FLT1: variants seen among roughly 807,000 people sequenced by gnomAD.
FLT1 encodes fms related receptor tyrosine kinase 1, also known as vascular endothelial growth factor receptor 1.
FLT1 carries 49 observed loss-of-function variants against 156.3 expected under a neutral mutation model. The ratio of observed to expected loss-of-function variants is 0.31; its 90% CI spans 0.25 to 0.40. The LOEUF (loss-of-function observed/expected upper bound fraction) is 0.40, where lower values mean the gene tolerates loss of function less well. Among genes scored for constraint, FLT1 ranks in the 10% least tolerant of loss-of-function variants. FLT1 has a pLI of 1.00. For missense variants in FLT1, 1,322 were observed against 1,637.2 expected (o/e 0.81, Z 3.32); for synonymous variants, 594 against 583.8 (o/e 1.02, Z -0.25).
chr13:28,376,293 G>A (rs948548031), intron 14 of FLT1, among the ~76,000 whole-genome samples: 1 of 152,208 alleles, frequency 6.6e-6, no homozygotes, highest in Non-Finnish European at 1.5e-5. Context: ...TTGGGTTAGA[G>A]TGATTCTCTC....
At chr13:28,445,294 G>A (rs1475111258) in intron 3 of FLT1, among the ~76,000 whole-genome samples, 1 of 152,036 alleles carries the variant, frequency 6.6e-6, no homozygotes, top group Admixed American at 6.6e-5. Flanking sequence ...TGGCCAACAT[G>A]GTGAAAACCC....
At chr13:28,334,235 A>T in intron 17 of FLT1, 106 bp from the exon 18 acceptor site, 1 of 806,900 alleles carries the variant, frequency 1.2e-6, no homozygotes. Flanking sequence ...TGAGGCATGG[A>T]ATCTCCAGTG....
rs1390251522 is a variant in FLT1 at position 28,322,459 on chromosome 13, CA to C, written c.2954-101del. The C allele has an allele frequency of 1.2e-6, 1 of 831,206 alleles. No individual in the cohort carries two copies. 51.5% of individuals were successfully genotyped at this position (831,206 alleles called of 1,614,324 possible). A position where few individuals can be genotyped will look rare whatever the true frequency, so the allele number is the denominator to read the frequency against. ...GTTAGCAAAACATAAAACAAACCAA[CA>C]AGTAGATCAGAGTTCATTTTTAAGA... On this transcript the variant is annotated intron_variant, in intron 21 of 29. Transcript: ENST00000282397. This position sits in a 1 kb window ranked among gnomAD's most constrained non-coding sequence, Gnocchi z 4.3.
At chr13:28,399,234 C>T (rs1875271425) in intron 11 of FLT1, 2 of 564,294 alleles carry the variant, frequency 3.5e-6, no homozygotes. Flanking sequence ...TCAGATGAAG[C>T]CTTTTTAAGC....
chr13:28,316,480 C>A (rs1345049736), intron 25 of FLT1, among the ~76,000 whole-genome samples: 1 of 152,186 alleles, frequency 6.6e-6, no homozygotes, highest in African/African-American at 2.4e-5. Flanking sequence ...CCTGCTCAGG[C>A]CTCAAAGTGC....
At position 28,435,573 on chromosome 13, in the gene FLT1, C is replaced by A. The variant is rs564718562; in HGVS notation, c.514-1353G>T. On this transcript the variant is annotated intron_variant, in intron 4 of 29. Transcript: ENST00000282397. ...CAAACAGCCACAAAGAAGCTCGAAA[C>A]CTTTTCTATCGCCTTTTAAAAAGTA... 3.3e-5 allele frequency among the ~76,000 whole-genome samples: 5 copies of A among 152,292 alleles called. No homozygotes were observed. The South Asian group carries it at 8.3e-4, about 25-fold the overall frequency.
intron 10 of FLT1, among the ~76,000 whole-genome samples, chr13:28,410,741 T>C (rs1253961959): frequency 6.6e-6 from 1 of 152,230 alleles, no homozygotes; most frequent in Non-Finnish European, 1.5e-5. Flanking sequence ...CCTCAATTAG[T>C]TCTCACAGTC....
At chr13:28,471,028 C>A (rs576543755) in intron 1 of FLT1, among the ~76,000 whole-genome samples, 107 of 152,188 alleles carry the variant, frequency 7.0e-4, no homozygotes, top group African/African-American at 2.4e-3. Flanking sequence ...AGACAGTGTG[C>A]CCTCTACTTG....
intron 24 of FLT1, among the ~76,000 whole-genome samples, chr13:28,318,426 G>A (rs764965539): frequency 1.3e-5 from 2 of 152,130 alleles, no homozygotes; most frequent in Non-Finnish European, 2.9e-5. Context: ...TTCCTTTTGG[G>A]GGGATTCTTG....
rs536079910 is a variant in FLT1 at position 28,392,212 on chromosome 13, C to T, written c.1661-2108G>A. Among the ~76,000 whole-genome samples, 16 of 152,278 alleles carry T rather than the reference C, an allele frequency of 1.1e-4. No homozygotes were observed. The South Asian group carries it at 2.5e-3, about 24-fold the overall frequency. ...GGGAGCAGGGCGTAACAGTGGCTTACGAAGCCGTCAGTGGCTGAGGAGAGA... is the reference window on the plus strand; with the variant it reads ...GGGAGCAGGGCGTAACAGTGGCTTATGAAGCCGTCAGTGGCTGAGGAGAGA... On this transcript the variant is annotated intron_variant, in intron 12 of 29. Transcript: ENST00000282397.
At chr13:28,312,694 G>C (rs534107160) in intron 25 of FLT1, among the ~76,000 whole-genome samples, 2 of 152,106 alleles carry the variant, frequency 1.3e-5, no homozygotes, top group African/African-American at 4.8e-5. Flanking sequence ...AAGGTCCTGC[G>C]TACATGACTT....
chr13:28,334,170 T>A, intron 17 of FLT1, 41 bp from the exon 18 acceptor site: 3 of 1,311,760 alleles, frequency 2.3e-6, no homozygotes, highest in Non-Finnish European at 3.3e-6. Context: ...GCCGAGGCAA[T>A]AGGGTGAGTT....
At chr13:28,364,050 T>G (rs1873205020) in intron 14 of FLT1, among the ~76,000 whole-genome samples, 1 of 152,240 alleles carries the variant, frequency 6.6e-6, no homozygotes, top group Admixed American at 6.5e-5. Context: ...CCTGTTTCTA[T>G]CCTTTGCCCA....
At chr13:28,471,992 C>T (rs1195931186) in intron 1 of FLT1, among the ~76,000 whole-genome samples, 1 of 152,148 alleles carries the variant, frequency 6.6e-6, no homozygotes, top group Admixed American at 6.5e-5. Context: ...AGGCTAATAG[C>T]ATTAAAAAAC....
At chr13:28,486,154 C>T (rs1209763487) in intron 1 of FLT1, among the ~76,000 whole-genome samples, 1 of 152,220 alleles carries the variant, frequency 6.6e-6, no homozygotes, top group Admixed American at 6.5e-5. Flanking sequence ...GTGGAGCTCA[C>T]GCAATATTAA....
chr13:28,385,133 A>G, intron 13 of FLT1, 102 bp from the exon 14 acceptor site: 1 of 1,203,072 alleles, frequency 8.3e-7, no homozygotes, highest in Non-Finnish European at 1.2e-6. Flanking sequence ...GCAAAACTCA[A>G]CTATTAGGTT....
At chr13:28,394,657 G>C (rs1368791120) in intron 12 of FLT1, among the ~76,000 whole-genome samples, 1 of 152,150 alleles carries the variant, frequency 6.6e-6, no homozygotes, top group Admixed American at 6.5e-5. Flanking sequence ...TCCTCTTCCA[G>C]TACTGCCCTC....
At chr13:28,376,265 A>C (rs1162875892) in intron 14 of FLT1, among the ~76,000 whole-genome samples, 1 of 152,200 alleles carries the variant, frequency 6.6e-6, no homozygotes, top group Non-Finnish European at 1.5e-5. Flanking sequence ...GATTTCATTT[A>C]AGAAGGAGTA....
rs767918696 is a variant in FLT1, at chr13:28,322,765, A to G, written c.2953+25T>C. On this transcript the variant is annotated intron_variant, in intron 21 of 29. Coordinates refer to ENST00000282397, the MANE Select transcript of FLT1 (RefSeq NM_002019.4). This position sits in a 1 kb window ranked among gnomAD's most constrained non-coding sequence, Gnocchi z 4.3. The stretch of plus-strand genomic sequence containing the variant: ...ATGTTGTAAAAATATCTCAGCGCGT[A>G]GGACAGGAAGGAATTAATACCTACC... 5 of 1,608,366 alleles carry G rather than the reference A, an allele frequency of 3.1e-6. No individual in the cohort carries two copies. Among genetic ancestry groups the G allele is most frequent in the African/African-American group, 1.3e-5 (1 of 74,826 alleles).
Sources: gnomAD v4.1 joint callset for allele counts (sites outside exome capture counted in the v4.1 genomes callset) on GRCh38, gnomAD v4.1.1 for gene constraint, Gnocchi (gnomAD v3.1) non-coding constraint, MANE v1.5 for transcripts, NCBI Gene and HGNC (gene_info 2026-07-23, HGNC 2026-07-21) for gene names.